Variants in DCLK2 observed in about 807,000 individuals in gnomAD.
DCLK2 encodes the protein serine/threonine-protein kinase DCLK2.
Under a neutral mutation model 78.4 loss-of-function variants are expected in DCLK2, and 31 were observed. That is an observed-to-expected ratio of 0.40 (90% CI 0.30 to 0.53). The LOEUF is 0.53. Among genes scored for constraint, DCLK2 ranks in the 20% least tolerant of loss-of-function variants. The pLI, the probability that DCLK2 is intolerant of heterozygous loss-of-function variation, is 0.61. For synonymous variants in DCLK2, 407 were observed against 374.9 expected (o/e 1.09, Z -0.99); for missense variants, 872 against 973.7 (o/e 0.90, Z 1.39).
chr4:150,141,240 A>G (rs1220361811), intron 2 of DCLK2, among the ~76,000 whole-genome samples: 2 of 152,200 alleles, frequency 1.3e-5, no homozygotes. Context: ...CCTTCCCCCA[A>G]ATCGTGACTC....
intron 10 of DCLK2, among the ~76,000 whole-genome samples, chr4:150,234,973 G>T (rs964073519): frequency 6.6e-6 from 1 of 152,166 alleles, no homozygotes; most frequent in African/African-American, 2.4e-5. Context: ...GCTTTCTCCA[G>T]GTGTGACCAG....
At chr4:150,187,278 G>A (rs1738026603) in intron 2 of DCLK2, among the ~76,000 whole-genome samples, 1 of 152,028 alleles carries the variant, frequency 6.6e-6, no homozygotes, top group African/African-American at 2.4e-5. Flanking sequence ...CAGTCTTCCT[G>A]CCTTGGCCTC....
intron 1 of DCLK2, among the ~76,000 whole-genome samples, chr4:150,084,265 C>A (rs1035276567): frequency 6.6e-6 from 1 of 152,186 alleles, no homozygotes; most frequent in African/African-American, 2.4e-5. Context: ...ATAACTCAGA[C>A]AATGATTTTA....
chr4:150,250,455 G>A (rs548967662), intron 15 of DCLK2, among the ~76,000 whole-genome samples: 44 of 152,216 alleles, frequency 2.9e-4, no homozygotes, highest in Admixed American at 1.2e-3. Flanking sequence ...CCAGCTCACC[G>A]TGAGCAGGTA....
At chr4:150,091,559 A>G (rs1730075398) in intron 1 of DCLK2, among the ~76,000 whole-genome samples, 1 of 152,130 alleles carries the variant, frequency 6.6e-6, no homozygotes, top group East Asian at 1.9e-4. Context: ...TCAGTGTCCA[A>G]ATTTTATACA....
chr4:150,191,010 C>G (rs953076053), intron 2 of DCLK2, among the ~76,000 whole-genome samples: 1 of 152,046 alleles, frequency 6.6e-6, no homozygotes, highest in East Asian at 1.9e-4. Flanking sequence ...CCTATGGTCC[C>G]AGCTACTCAG....
chr4:150,131,484 A>C (rs986024039), intron 2 of DCLK2, among the ~76,000 whole-genome samples: 3 of 152,186 alleles, frequency 2.0e-5, no homozygotes, highest in African/African-American at 7.2e-5. Context: ...TTAGGCTGAT[A>C]TGACCCAAGA....
rs1410451593 is a variant in DCLK2, at chr4:150,256,982, C to T, written c.*735C>T. On this transcript the variant is annotated 3_prime_UTR_variant, in exon 16 of 16. Transcript: ENST00000296550. ...TTCCCTGGGCGGTGTGGGTTTCCCC[C>T]AGCTCTTCCCACACGTGTGTTAGGA... is the stretch of plus-strand genomic sequence containing the variant. 2 of 152,272 alleles carry T rather than the reference C, an allele frequency of 1.3e-5. No homozygotes were observed. The highest frequency in any genetic ancestry group is 3.8e-4 in the East Asian group (2 of 5,198). 9.4% of individuals were successfully genotyped at this position (152,272 alleles called of 1,614,324 possible).
chr4:150,161,180 G>C (rs532810935), intron 2 of DCLK2, among the ~76,000 whole-genome samples: 15 of 152,288 alleles, frequency 9.8e-5, no homozygotes, highest in African/African-American at 3.4e-4. Context: ...GGTAAGTGAG[G>C]AAGCATCTCT....
Position 150,102,531 on chromosome 4 carries a change from A to G in DCLK2, c.475A>G (p.Lys159Glu). ...ACCATTTCGTAAAGTCGATTACACC[A>G]AAAATATTAATCCAAACTGGTCTGT... Reference protein sequence around the residue: ...NEPFRKVDYTKNINPNWSVNI... With the variant: ...NEPFRKVDYTENINPNWSVNI... Residue 159 changes from lysine to glutamate, a missense_variant, in exon 2 of 16, where the codon AAA (lysine) becomes GAA (glutamate). By Grantham distance (56) the Lys-to-Glu change is moderately conservative (BLOSUM62 1). Around this residue, in one of 3 missense-constraint regions of DCLK2, gnomAD observed 567 missense variants for 593.4 expected, o/e 0.96. Transcript: ENST00000296550. The G allele has an allele frequency of 6.2e-7, 1 of 1,614,168 alleles. No individual in the cohort carries two copies. The highest frequency in any genetic ancestry group is 8.5e-7 in the Non-Finnish European group (1 of 1,180,000).
In DCLK2 at chr4:150,078,703, C is replaced by A. The variant is rs1035187127; in HGVS notation, c.-325C>A. 3 of 203,794 alleles carry A rather than the reference C, an allele frequency of 1.5e-5. No homozygotes were observed. Among genetic ancestry groups the A allele is most frequent in the African/African-American group, 6.9e-5 (3 of 43,486 alleles). 12.6% of individuals were successfully genotyped at this position (203,794 alleles called of 1,614,324 possible). A position where few individuals can be genotyped will look rare whatever the true frequency, so the allele number is the denominator to read the frequency against. On this transcript the variant is annotated 5_prime_UTR_variant, in exon 1 of 16. Coordinates refer to ENST00000296550, the MANE Select transcript of DCLK2 (RefSeq NM_001040260.4). Reference sequence around the variant, plus strand: ...GCGGCCCAACTTTGCCTCTCCCGGTCGGCTCCCGAGCGGGACTTGTGAGGC... The same window carrying A: ...GCGGCCCAACTTTGCCTCTCCCGGTAGGCTCCCGAGCGGGACTTGTGAGGC...
At chr4:150,082,747 A>T (rs1729393372) in intron 1 of DCLK2, among the ~76,000 whole-genome samples, 1 of 152,218 alleles carries the variant, frequency 6.6e-6, no homozygotes, top group African/African-American at 2.4e-5. Context: ...AATAACCAAC[A>T]GAGAATGTCC....
At chr4:150,213,510 T>C (rs1740464181) in intron 5 of DCLK2, among the ~76,000 whole-genome samples, 1 of 152,234 alleles carries the variant, frequency 6.6e-6, no homozygotes. Context: ...CTGGATTTTA[T>C]TCTAGTTAGT....
chr4:150,251,697 TACCCCCACACACCCCCAAC>T (rs1744153476), intron 15 of DCLK2, among the ~76,000 whole-genome samples: 1 of 43,706 alleles, frequency 2.3e-5, no homozygotes. Context: ...ATACACCAGG[TACCCCCACACACCCCCAAC>T]ACCCCCACAC....
At chr4:150,096,040 A>G (rs1730436352) in intron 1 of DCLK2, among the ~76,000 whole-genome samples, 1 of 152,234 alleles carries the variant, frequency 6.6e-6, no homozygotes, top group South Asian at 2.1e-4. Flanking sequence ...AAAATCAAAT[A>G]TACATTTTTT....
intron 5 of DCLK2, among the ~76,000 whole-genome samples, chr4:150,214,690 G>A (rs1485764328): frequency 3.3e-5 from 5 of 152,006 alleles, no homozygotes; most frequent in South Asian, 2.1e-4. Context: ...TGCCGGGCAC[G>A]ATGGCTCACA....
In DCLK2 at chr4:150,251,216, C is replaced by T. The variant is rs1416064722; in HGVS notation, c.2073+1532C>T. 1.5e-3 allele frequency among the ~76,000 whole-genome samples: 2 copies of T among 1,354 alleles called. 1 individual carries two copies. The highest frequency in any genetic ancestry group is 2.5e-3 in the Non-Finnish European group (2 of 810). The allele number at this position is 1,354 out of a possible 152,430, so 0.9% of individuals were successfully genotyped here. On this transcript the variant is annotated intron_variant, in intron 15 of 15. Transcript: ENST00000296550. ...TCCCCCACACCACCCACATCCCCCA[C>T]ACCCCACACATCCCCCACACCCCCA...
At chr4:150,118,417 C>G (rs1413794277) in intron 2 of DCLK2, among the ~76,000 whole-genome samples, 1 of 151,958 alleles carries the variant, frequency 6.6e-6, no homozygotes, top group South Asian at 2.1e-4. Context: ...AAAAGGATGA[C>G]CCTTAGAGTT....
At chr4:150,255,420 G>A (rs778503955) in intron 15 of DCLK2, among the ~76,000 whole-genome samples, 6 of 152,254 alleles carry the variant, frequency 3.9e-5, no homozygotes, top group Non-Finnish European at 7.3e-5. Flanking sequence ...GAAGAGCTGA[G>A]CAGATTTAAA....
Sources: allele counts gnomAD v4.1 joint callset (sites outside exome capture counted in the v4.1 genomes callset), GRCh38; gene constraint gnomAD v4.1.1; regional missense constraint gnomAD v4.1.1; transcripts MANE v1.5; gene names NCBI Gene and HGNC (gene_info 2026-07-23, HGNC 2026-07-21).